The following AFF4 variants were observed in gnomAD, a reference collection of about 807,000 sequenced individuals.
The protein encoded by AFF4 is ALF transcription elongation factor 4.
AFF4 carries 13 observed loss-of-function variants against 124.8 expected under a neutral mutation model. The observed-to-expected ratio is 0.10, with a 90% CI of 0.07 to 0.17. The LOEUF (loss-of-function observed/expected upper bound fraction) is 0.17, where lower values mean the gene tolerates loss of function less well. AFF4 is among the 10% of genes least tolerant of loss of function. The pLI, the probability that AFF4 is intolerant of heterozygous loss-of-function variation, is 1.00. For missense variants in AFF4, 1,092 were observed against 1,403.8 expected (o/e 0.78, Z 3.55); for synonymous variants, 477 against 496.1 (o/e 0.96, Z 0.51).
chr5:132,922,396 C>T (rs532768498), intron 5 of AFF4, among the ~76,000 whole-genome samples: 2 of 151,450 alleles, frequency 1.3e-5, no homozygotes, highest in African/African-American at 4.8e-5. Flanking sequence ...CTAGCCTGGA[C>T]AACAGAGACC....
chr5:132,887,234 G>A (rs927353041), intron 17 of AFF4, among the ~76,000 whole-genome samples: 1 of 152,204 alleles, frequency 6.6e-6, no homozygotes, highest in Non-Finnish European at 1.5e-5. Context: ...GAGAGAGCGG[G>A]TACCAAATGA....
At chr5:132,920,940 A>G (rs1486392768) in intron 5 of AFF4, among the ~76,000 whole-genome samples, 1 of 152,048 alleles carries the variant, frequency 6.6e-6, no homozygotes, top group Non-Finnish European at 1.5e-5. Context: ...ATCCTGACTA[A>G]CACGGTGAAA....
chr5:132,958,830 C>A (rs900457773), intron 1 of AFF4, among the ~76,000 whole-genome samples: 1 of 152,136 alleles, frequency 6.6e-6, no homozygotes, highest in South Asian at 2.1e-4. Flanking sequence ...AGGCCCAAAG[C>A]AACTCCAGGC....
chr5:132,884,316 C>A (rs748918871), intron 19 of AFF4, among the ~76,000 whole-genome samples: 1 of 152,182 alleles, frequency 6.6e-6, no homozygotes, highest in Non-Finnish European at 1.5e-5. Context: ...CGACTTACTG[C>A]AACCTCCACG....
In AFF4 at chr5:132,937,170, T is replaced by A; in HGVS notation, c.20A>T (p.Asn7Ile). 3 of 1,613,390 alleles carry A rather than the reference T, an allele frequency of 1.9e-6. No individual in the cohort carries two copies. Among genetic ancestry groups the A allele is most frequent in the Non-Finnish European group, 2.5e-6 (3 of 1,179,564 alleles). Residue 7 changes from asparagine to isoleucine, a missense_variant, in exon 2 of 21, where the codon AAT becomes ATT. Transcript: ENST00000265343. The part of the protein sequence containing the change: MNREDR[N>I]VLRMKERERR... ...TTCCCGTTCTTTCATACGCAGCACA[T>A]TCCGGTCTTCACGGTTCATGTTGCT...
chr5:132,939,019 C>T (rs1761503507), intron 1 of AFF4, among the ~76,000 whole-genome samples: 1 of 141,100 alleles, frequency 7.1e-6, no homozygotes, highest in African/African-American at 2.6e-5. Context: ...GGGAGGATCG[C>T]TTGACCTGCC....
chr5:132,941,808 G>C (rs1274754171), intron 1 of AFF4, among the ~76,000 whole-genome samples: 1 of 152,058 alleles, frequency 6.6e-6, no homozygotes, highest in East Asian at 1.9e-4. Context: ...AGGCATTTGA[G>C]ATGAGCCTGG....
At chr5:132,926,355 G>T (rs919830982) in intron 5 of AFF4, 11 of 259,744 alleles carry the variant, frequency 4.2e-5, no homozygotes, top group Middle Eastern at 4.5e-4. Flanking sequence ...TTAAGTATAA[G>T]TTTAAAAAAA....
chr5:132,911,538 C>T (rs1280334764), intron 5 of AFF4, among the ~76,000 whole-genome samples: 1 of 150,486 alleles, frequency 6.6e-6, no homozygotes, highest in Non-Finnish European at 1.5e-5. Flanking sequence ...TGGAGCAATA[C>T]AGTATAAGAC....
At chr5:132,937,364 C>G (rs184475349) in intron 1 of AFF4, among the ~76,000 whole-genome samples, 171 bp from the exon 2 acceptor site, 1 of 152,140 alleles carries the variant, frequency 6.6e-6, no homozygotes, top group Admixed American at 6.5e-5. Flanking sequence ...CAACAAATAC[C>G]AATAGTGTCT....
At position 132,888,146 on chromosome 5, in the gene AFF4, T is replaced by C; in HGVS notation, c.2747A>G (p.Asp916Gly). The change falls in exon 15 of 21, where the codon GAC becomes GGC. Residue 916 changes from aspartate (D) to glycine (G), a missense_variant. By Grantham distance (94) the Asp-to-Gly change is moderately conservative. Transcript: ENST00000265343. ...CTTTTTTGCTTCTTGTAAATAATGGTCTGCTGAATAATTTCTGCAAGACAA... is the reference window on the plus strand; with the variant it reads ...CTTTTTTGCTTCTTGTAAATAATGGCCTGCTGAATAATTTCTGCAAGACAA... ...LVFDDRNYSADHYLQEAKKLK... is the reference protein window; with the variant it reads ...LVFDDRNYSAGHYLQEAKKLK... 6.2e-7 allele frequency: 1 copy of C among 1,610,052 alleles called. No individual in the cohort carries two copies. Among genetic ancestry groups the C allele is most frequent in the Non-Finnish European group, 8.5e-7 (1 of 1,177,942 alleles).
rs1233331159 is a variant in AFF4 at position 132,878,346 on chromosome 5, A to G, written c.*2713T>C. 4.3e-6 allele frequency: 1 copy of G among 230,604 alleles called. No individual in the cohort carries two copies. The highest frequency in any genetic ancestry group is 6.1e-5 in the East Asian group (1 of 16,272). 14.3% of individuals were successfully genotyped at this position (230,604 alleles called of 1,614,324 possible). On this transcript the variant is annotated 3_prime_UTR_variant, in exon 21 of 21. Coordinates refer to ENST00000265343, the MANE Select transcript of AFF4 (RefSeq NM_014423.4). ...TGTAGTCATAAAGAGCAGTCAACAG[A>G]GTAACTGTTTAAAATAGTTGTTGTT...
chr5:132,919,762 A>T (rs2150087826), intron 5 of AFF4, among the ~76,000 whole-genome samples: 1 of 152,268 alleles, frequency 6.6e-6, no homozygotes, highest in Admixed American at 6.5e-5. Context: ...AGGCATGAGA[A>T]TCGCTTGAGC....
intron 10 of AFF4, 56 bp from the exon 11 acceptor site, chr5:132,897,296 TC>T: frequency 6.5e-7 from 1 of 1,549,330 alleles, no homozygotes; most frequent in Non-Finnish European, 8.8e-7. Context: ...TTTTTCGTTC[TC>T]CCTCCTTTAC....
chr5:132,891,676 A>G (rs767086769), intron 13 of AFF4: 9 of 161,728 alleles, frequency 5.6e-5, no homozygotes, highest in Non-Finnish European at 9.4e-5. Context: ...TTTGTAAAGT[A>G]TAATTCTGAG....
At chr5:132,939,338 T>C (rs1295496366) in intron 1 of AFF4, among the ~76,000 whole-genome samples, 2 of 152,232 alleles carry the variant, frequency 1.3e-5, no homozygotes, top group Non-Finnish European at 2.9e-5. Context: ...ACAGGATTTC[T>C]TTGGTTTCGC....
chr5:132,911,098 C>T (rs1163264179), intron 5 of AFF4, among the ~76,000 whole-genome samples: 1 of 152,138 alleles, frequency 6.6e-6, no homozygotes, highest in African/African-American at 2.4e-5. Context: ...CCTAAGGTTA[C>T]CTCTTCTCTT....
chr5:132,956,886 G>A (rs1259949831), intron 1 of AFF4, among the ~76,000 whole-genome samples: 1 of 151,542 alleles, frequency 6.6e-6, no homozygotes, highest in Non-Finnish European at 1.5e-5. Context: ...CGGGCATGGT[G>A]GCAGGTGCCT....
rs764563387 is a variant in AFF4, at chr5:132,883,538, G to C, written c.3166C>G (p.Pro1056Ala). The C allele has an allele frequency of 3.7e-6, 6 of 1,613,722 alleles. No individual in the cohort carries two copies. The Admixed American group carries it at 8.3e-5, about 22-fold the overall frequency. Residue 1056 changes from proline to alanine, a missense_variant, in exon 20 of 21, where the codon CCT becomes GCT. By Grantham distance (27) the Pro-to-Ala change is conservative (BLOSUM62 -1). Coordinates refer to ENST00000265343, the MANE Select transcript of AFF4 (RefSeq NM_014423.4). ...CCTGGTGACAGCTTTGGAGAAACAGGGGAAGGCATCCCCACAGCTTTGCTA... is the reference window on the plus strand; with the variant it reads ...CCTGGTGACAGCTTTGGAGAAACAGCGGAAGGCATCCCCACAGCTTTGCTA... Reference protein sequence around the residue: ...LGSKAVGMPSPVSPKLSPGNS... With the variant: ...LGSKAVGMPSAVSPKLSPGNS...
Sources: allele counts gnomAD v4.1 joint callset (sites outside exome capture counted in the v4.1 genomes callset), GRCh38; gene constraint gnomAD v4.1.1; transcripts MANE v1.5; gene names NCBI Gene and HGNC (gene_info 2026-07-23, HGNC 2026-07-21).